The following TRAPPC2 variants were observed in gnomAD, a reference collection of about 807,000 sequenced individuals.
The protein encoded by TRAPPC2 is sedlin.
In TRAPPC2, 4 loss-of-function variants were observed where a neutral mutation model predicts 10.0. The observed-to-expected ratio is 0.40, with a 90% CI of 0.20 to 0.92. TRAPPC2 has a LOEUF of 0.92. TRAPPC2 is among the 40% of genes least tolerant of loss of function. TRAPPC2 has a pLI of 0.35. For missense variants in TRAPPC2, 52 were observed against 108.7 expected (o/e 0.48, Z 2.32); for synonymous variants, 36 against 37.3 (o/e 0.97, Z 0.12).
At chrX:13,718,382 A>G (rs2046339383) in intron 3 of TRAPPC2, among the ~76,000 whole-genome samples, 1 of 113,133 alleles carries the variant, frequency 8.8e-6, no homozygotes, top group African/African-American at 3.2e-5. Flanking sequence ...TTTCTTTTAC[A>G]ATGATGATCA....
chrX:13,732,762 G>A (rs566056508), intron 2 of TRAPPC2, among the ~76,000 whole-genome samples: 1 of 113,093 alleles, frequency 8.8e-6, no homozygotes, highest in African/African-American at 3.2e-5. Flanking sequence ...AGTCTCTTAA[G>A]TTGTAGACAA....
At chrX:13,723,459 T>A (rs1262251518) in intron 2 of TRAPPC2, among the ~76,000 whole-genome samples, 1 of 111,901 alleles carries the variant, frequency 8.9e-6, no homozygotes, top group African/African-American at 3.3e-5. Context: ...TGAGCCACCA[T>A]GCCCGGCCTG....
chrX:13,722,999 C>G (rs1306038439), intron 2 of TRAPPC2, among the ~76,000 whole-genome samples: 1 of 108,027 alleles, frequency 9.3e-6, no homozygotes, highest in Non-Finnish European at 1.9e-5. Context: ...GGAGGCGGAG[C>G]CAGAAGAATG....
chrX:13,722,216 A>AGCC (rs1199956789), intron 2 of TRAPPC2: 2 of 93,297 alleles, frequency 2.1e-5, no homozygotes, highest in Admixed American at 2.4e-4. Flanking sequence ...AGCAAAAAAA[A>AGCC]AAAAAAAAAA....
Position 13,714,182 on chromosome X carries a change from A to G in TRAPPC2, c.*225T>C, listed in dbSNP as rs1021094699. 7.9e-6 allele frequency: 2 copies of G among 254,724 alleles called. No individual in the cohort carries two copies. The highest frequency in any genetic ancestry group is 5.7e-5 in the African/African-American group (2 of 35,024). The allele number at this position is 254,724 out of a possible 1,213,427, so 21.0% of individuals were successfully genotyped here. On this transcript the variant is annotated 3_prime_UTR_variant, in exon 6 of 6. Coordinates refer to ENST00000380579, the MANE Select transcript of TRAPPC2 (RefSeq NM_001011658.4). ...AAAAAAACATGATTATTGATAATGAACTCTTTATAAATAACACTGTTCACA... is the reference window on the plus strand; with the variant it reads ...AAAAAAACATGATTATTGATAATGAGCTCTTTATAAATAACACTGTTCACA...
chrX:13,727,699 C>T (rs1367023292), intron 2 of TRAPPC2, among the ~76,000 whole-genome samples: 1 of 111,642 alleles, frequency 9.0e-6, no homozygotes, highest in Non-Finnish European at 1.9e-5. Flanking sequence ...ACTAGAGAAG[C>T]AAGAGCAAAC....
chrX:13,733,744 G>T (rs1234678442), intron 2 of TRAPPC2, among the ~76,000 whole-genome samples: 1 of 110,239 alleles, frequency 9.1e-6, no homozygotes. Flanking sequence ...CAAGAAGGTC[G>T]TGGCTTTTTT....
chrX:13,723,005 G>GA (rs1285423451), intron 2 of TRAPPC2, among the ~76,000 whole-genome samples: 2 of 107,201 alleles, frequency 1.9e-5, no homozygotes, highest in Non-Finnish European at 3.8e-5. Context: ...GGAGCCAGAA[G>GA]AATGGTGTGA....
At position 13,714,143 on chromosome X, in the gene TRAPPC2, G is replaced by GAA. The variant is rs1057515794; in HGVS notation, c.*262_*263dup. ...GGCAACAGAGTGAGACTCTGTATCAGAAAAAAAAAAAAAAAAAAAACATGA... is the reference window on the plus strand; with the variant it reads ...GGCAACAGAGTGAGACTCTGTATCAGAAAAAAAAAAAAAAAAAAAAAACATGA... On this transcript the variant is annotated 3_prime_UTR_variant, in exon 6 of 6. Coordinates refer to ENST00000380579, the MANE Select transcript of TRAPPC2 (RefSeq NM_001011658.4). The GAA allele has an allele frequency of 0.03, 1,828 of 61,631 alleles. 42 individuals carry two copies. The highest frequency in any genetic ancestry group is 0.05 in the African/African-American group (757 of 15,101). The allele number at this position is 61,631 out of a possible 1,213,427, so 5.1% of individuals were successfully genotyped here. A position where few individuals can be genotyped will look rare whatever the true frequency, so the allele number is the denominator to read the frequency against.
intron 2 of TRAPPC2, among the ~76,000 whole-genome samples, chrX:13,733,217 ACT>A (rs932786500): frequency 3.6e-5 from 4 of 110,801 alleles, no homozygotes; most frequent in Non-Finnish European, 5.7e-5. Context: ...TTTTTAGAAC[ACT>A]GTTTTCATCA....
chrX:13,729,737 C>T (rs997730171), intron 2 of TRAPPC2, among the ~76,000 whole-genome samples: 5 of 110,896 alleles, frequency 4.5e-5, no homozygotes, highest in Middle Eastern at 4.6e-3. Flanking sequence ...GGAGAAACCC[C>T]GTCTCTACTA....
intron 2 of TRAPPC2, among the ~76,000 whole-genome samples, chrX:13,731,601 AT>A (rs772768338): frequency 1.8e-5 from 2 of 111,958 alleles, no homozygotes; most frequent in African/African-American, 6.5e-5. Flanking sequence ...ATGAGAGCAG[AT>A]ACACCATTCG....
chrX:13,724,929 C>T (rs949335570), intron 2 of TRAPPC2, among the ~76,000 whole-genome samples: 3 of 113,363 alleles, frequency 2.6e-5, no homozygotes, highest in East Asian at 2.8e-4. Context: ...TCTTAGCAAC[C>T]GGCAGACAAG....
chrX:13,722,429 T>C (rs780616731), intron 2 of TRAPPC2, among the ~76,000 whole-genome samples: 1 of 110,636 alleles, frequency 9.0e-6, no homozygotes, highest in South Asian at 3.8e-4. Context: ...GCGCAAAAGA[T>C]GAGACAGAGC....
chrX:13,734,568 C>T lies in TRAPPC2; in HGVS notation c.-205G>A. ...AACGGAAACGCAATGTCAGTTTCCG[C>T]GGAAGAGACCCGCGCCCCGAACCTG... is the stretch of plus-strand genomic sequence containing the variant. On this transcript the variant is annotated 5_prime_UTR_variant, in exon 1 of 6. Transcript: ENST00000380579. 2.0e-6 allele frequency: 1 copy of T among 496,767 alleles called. No individual in the cohort carries two copies. Among genetic ancestry groups the T allele is most frequent in the Non-Finnish European group, 2.6e-6 (1 of 378,995 alleles). The allele number at this position is 496,767 out of a possible 1,213,427, so 40.9% of individuals were successfully genotyped here.
rs763744256 is a variant in TRAPPC2, at chrX:13,716,553, C to T, written c.219G>A (p.Ser73=). ...TVDKFNEWFV[S]AFVTAGHMRF... is the part of the protein sequence containing the mutation. ...GGATATGCCCCGCAGTGACAAATGC[C>T]GACACAAACCACTCGTTGAACTTGT... Residue 73 remains serine, a synonymous_variant, in exon 4 of 6, where the codon TCG becomes TCA. Transcript: ENST00000380579. 1.5e-5 allele frequency: 18 copies of T among 1,209,832 alleles called. No homozygotes were observed. The highest frequency in any genetic ancestry group is 3.5e-5 in the African/African-American group (2 of 57,192).
chrX:13,731,397 A>G (rs183135946), intron 2 of TRAPPC2, among the ~76,000 whole-genome samples: 1 of 112,563 alleles, frequency 8.9e-6, no homozygotes, highest in East Asian at 2.8e-4. Context: ...TCCCTAGATA[A>G]AAACAGATTA....
chrX:13,717,124 G>C (rs1164669283), intron 3 of TRAPPC2, among the ~76,000 whole-genome samples: 2 of 108,553 alleles, frequency 1.8e-5, no homozygotes, highest in Non-Finnish European at 3.8e-5. Flanking sequence ...GGAGGAAACT[G>C]AGAGGGCGGG....
chrX:13,715,750 A>G (rs1472242765), intron 5 of TRAPPC2: 2 of 882,015 alleles, frequency 2.3e-6, no homozygotes, highest in African/African-American at 2.1e-5. Context: ...TATGAGGACA[A>G]CAAGGTGAAG....
Sources: gnomAD v4.1 joint callset for allele counts (sites outside exome capture counted in the v4.1 genomes callset) on GRCh38, gnomAD v4.1.1 for gene constraint, MANE v1.5 for transcripts, NCBI Gene and HGNC (gene_info 2026-07-23, HGNC 2026-07-21) for gene names.